Variants in RP9 observed in about 807,000 individuals in gnomAD.
RP9 encodes RP9 pre-mRNA splicing factor, also known as retinitis pigmentosa 9 protein.
RP9 carries 23 observed loss-of-function variants against 32.6 expected under a neutral mutation model. The ratio of observed to expected loss-of-function variants is 0.71; its 90% CI spans 0.51 to 1.00. RP9 has a LOEUF of 1.00. RP9 is among the 50% of genes least tolerant of loss of function. The pLI is 0.00. For synonymous variants in RP9, 94 were observed against 103.6 expected (o/e 0.91, Z 0.56); for missense variants, 245 against 285.3 (o/e 0.86, Z 1.02).
chr7:33,101,014 T>C, intron 1 of RP9: 1 of 303,056 alleles, frequency 3.3e-6, no homozygotes, highest in South Asian at 2.9e-5. Context: ...AGTATTTTTT[T>C]TTTTTTTGAG....
intron 1 of RP9, among the ~76,000 whole-genome samples, chr7:33,104,720 A>C (rs1788474453): frequency 6.6e-6 from 1 of 152,154 alleles, no homozygotes; most frequent in African/African-American, 2.4e-5. Flanking sequence ...AGCTGGGACT[A>C]CAGGTCCATA....
intron 1 of RP9, among the ~76,000 whole-genome samples, chr7:33,107,411 C>G (rs369941203): frequency 3.3e-5 from 5 of 152,324 alleles, no homozygotes; most frequent in African/African-American, 2.4e-5. Flanking sequence ...GTGGAATTAA[C>G]CATCCTCTAG....
chr7:33,099,094 A>C, intron 3 of RP9: 1 of 615,522 alleles, frequency 1.6e-6, no homozygotes, highest in South Asian at 1.9e-5. Context: ...TTGTGGTGAG[A>C]GCTTTCTTCC....
intron 5 of RP9, 40 bp from the exon 6 acceptor site, chr7:33,095,472 C>T (rs1788317416): frequency 6.2e-7 from 1 of 1,611,212 alleles, no homozygotes; most frequent in African/African-American, 1.3e-5. Context: ...TGAGTTTTAG[C>T]TTTAACTTAC....
Position 33,096,523 on chromosome 7 carries a change from C to G in RP9, c.437G>C (p.Arg146Pro). 6.2e-7 allele frequency: 1 copy of G among 1,613,112 alleles called. No individual in the cohort carries two copies. The highest frequency in any genetic ancestry group is 8.5e-7 in the Non-Finnish European group (1 of 1,179,246). ...AHEDPMYDII[R>P]DNKRHEKDVR... Reference sequence around the variant, plus strand: ...GTCCTTTTCATGTCGTTTATTGTCTCGTATGATGTCATACATGGGATCTTC... The same window carrying G: ...GTCCTTTTCATGTCGTTTATTGTCTGGTATGATGTCATACATGGGATCTTC... The change falls in exon 5 of 6, where the codon CGA becomes CCA. Residue 146 changes from arginine to proline, a missense_variant. Arg to Pro is a moderately radical substitution (Grantham distance 103). Coordinates refer to ENST00000297157, the MANE Select transcript of RP9 (RefSeq NM_203288.2).
At chr7:33,107,266 C>G in intron 1 of RP9, among the ~76,000 whole-genome samples, 1 of 152,212 alleles carries the variant, frequency 6.6e-6, no homozygotes, top group East Asian at 1.9e-4. Flanking sequence ...GGGTTCAGCT[C>G]TAGATTTGCT....
chr7:33,103,353 C>T (rs1282526669), intron 1 of RP9, among the ~76,000 whole-genome samples: 1 of 152,114 alleles, frequency 6.6e-6, no homozygotes, highest in Non-Finnish European at 1.5e-5. Context: ...CTTAGGAGCC[C>T]CAGAAAAAAA....
intron 1 of RP9, among the ~76,000 whole-genome samples, chr7:33,104,086 C>T (rs1788465921): frequency 6.6e-6 from 1 of 151,298 alleles, no homozygotes; most frequent in Admixed American, 6.6e-5. Context: ...AGAAATATAA[C>T]AAATATGTTT....
intron 5 of RP9, 24 bp downstream of exon 5, chr7:33,096,469 T>C: frequency 1.3e-6 from 2 of 1,557,930 alleles, no homozygotes; most frequent in Non-Finnish European, 8.9e-7. Context: ...TAAGGGGATA[T>C]TGTTATCATC....
At chr7:33,100,151 C>A in intron 2 of RP9, 1 of 311,836 alleles carries the variant, frequency 3.2e-6, no homozygotes, top group South Asian at 3.2e-5. Context: ...GCTGTCAGAT[C>A]TCCTCAGAGT....
chr7:33,106,487 A>T (rs1788499860), intron 1 of RP9, among the ~76,000 whole-genome samples: 1 of 152,168 alleles, frequency 6.6e-6, no homozygotes, highest in South Asian at 2.1e-4. Context: ...AGTTATAATA[A>T]TGTTAATACT....
At chr7:33,107,423 A>T (rs1788514190) in intron 1 of RP9, among the ~76,000 whole-genome samples, 2 of 152,334 alleles carry the variant, frequency 1.3e-5, no homozygotes, top group African/African-American at 4.8e-5. Context: ...ATCCTCTAGC[A>T]TTCTATAGCT....
rs1318131863 is a variant in RP9 at position 33,109,351 on chromosome 7, C to G, written c.22G>C (p.Glu8Gln). Residue 8 changes from glutamate (E) to glutamine (Q), a missense_variant, in exon 1 of 6, where the codon GAG (glutamate) becomes CAG (glutamine). Around this residue, in one of 2 missense-constraint regions of RP9, gnomAD observed 182 missense variants for 175.5 expected, o/e 1.04. Transcript: ENST00000297157. This position sits in a 1 kb window ranked among gnomAD's most constrained non-coding sequence, Gnocchi z 4.9. MSSRPGR[E>Q]DVGAAGARRP... ...CGCGCGCCCGCAGCCCCCACGTCCT[C>G]GCGCCCAGGCCGGGACGACATGTCA... The G allele has an allele frequency of 7.0e-7, 1 of 1,436,226 alleles. No individual in the cohort carries two copies. Among genetic ancestry groups the G allele is most frequent in the African/African-American group, 1.5e-5 (1 of 66,612 alleles). 89.0% of individuals were successfully genotyped at this position (1,436,226 alleles called of 1,614,324 possible).
chr7:33,109,383 G>T lies in RP9; in HGVS notation c.-11C>A, dbSNP rs1263223535. On this transcript the variant is annotated 5_prime_UTR_variant, in exon 1 of 6. Coordinates refer to ENST00000297157, the MANE Select transcript of RP9 (RefSeq NM_203288.2). The surrounding 1 kb of genome is among the most constrained non-coding windows in gnomAD (Gnocchi z 4.9). Reference sequence around the variant, plus strand: ...AGGCCGGGACGACATGTCAGCCCCCGCAGCGCCGCTCGGGCAACCCCCGCG... The same window carrying T: ...AGGCCGGGACGACATGTCAGCCCCCTCAGCGCCGCTCGGGCAACCCCCGCG... The T allele has an allele frequency of 7.9e-7, 1 of 1,262,462 alleles. No individual in the cohort carries two copies. The highest frequency in any genetic ancestry group is 1.0e-6 in the Non-Finnish European group (1 of 998,858). 78.2% of individuals were successfully genotyped at this position (1,262,462 alleles called of 1,614,324 possible).
At chr7:33,107,385 T>C (rs1289034258) in intron 1 of RP9, among the ~76,000 whole-genome samples, 1 of 152,242 alleles carries the variant, frequency 6.6e-6, no homozygotes, top group African/African-American at 2.4e-5. Context: ...GAAAAAGCTC[T>C]CTGAGCTACA....
chr7:33,100,625 G>C, intron 1 of RP9, 64 bp from the exon 2 acceptor site: 1 of 1,273,658 alleles, frequency 7.9e-7, no homozygotes, highest in Non-Finnish European at 1.1e-6. Flanking sequence ...TCAAGTTACT[G>C]CAAAAAAGGG....
chr7:33,095,584 C>T, intron 5 of RP9, 152 bp from the exon 6 acceptor site: 2 of 1,370,724 alleles, frequency 1.5e-6, no homozygotes, highest in Non-Finnish European at 2.0e-6. Context: ...TCTCATTCTT[C>T]TCCACCTGAA....
At chr7:33,103,561 C>T (rs1365045256) in intron 1 of RP9, among the ~76,000 whole-genome samples, 2 of 152,182 alleles carry the variant, frequency 1.3e-5, no homozygotes, top group Non-Finnish European at 2.9e-5. Context: ...TGCCTGTAAT[C>T]CCAGCACTTT....
At chr7:33,098,222 CA>C (rs1311837286) in intron 3 of RP9, among the ~76,000 whole-genome samples, 1 of 151,936 alleles carries the variant, frequency 6.6e-6, no homozygotes, top group Non-Finnish European at 1.5e-5. Flanking sequence ...CCTATCTCTA[CA>C]AAAGTACAAA....
Sources: gnomAD v4.1 joint callset for allele counts (sites outside exome capture counted in the v4.1 genomes callset) on GRCh38, gnomAD v4.1.1 for gene constraint, gnomAD v4.1.1 regional missense constraint, Gnocchi (gnomAD v3.1) non-coding constraint, MANE v1.5 for transcripts, NCBI Gene and HGNC (gene_info 2026-07-23, HGNC 2026-07-21) for gene names.